Variants in PPARGC1A observed in about 807,000 individuals in gnomAD.
The protein encoded by PPARGC1A is peroxisome proliferator-activated receptor gamma coactivator 1-alpha.
In PPARGC1A, 25 loss-of-function variants were observed where a neutral mutation model predicts 88.7. That is an observed-to-expected ratio of 0.28 (90% CI 0.21 to 0.39). PPARGC1A has a LOEUF of 0.39. Ranked by LOEUF, PPARGC1A falls within the 10% of genes least tolerant of loss-of-function variation. The probability of loss-of-function intolerance (pLI) is 1.00; values close to 1 mark genes in which losing one functional copy is unlikely to be tolerated. For missense variants in PPARGC1A, 880 were observed against 968.7 expected (o/e 0.91, Z 1.22); for synonymous variants, 363 against 355.6 (o/e 1.02, Z -0.24).
At chr4:24,352,114 C>A in the PPARGC1A span, among the ~76,000 whole-genome samples, 3 of 152,032 alleles carry the variant, frequency 2.0e-5, no homozygotes, top group African/African-American at 7.3e-5. Context: ...GGGACTTGAA[C>A]TATACAGAGC....
the PPARGC1A span, among the ~76,000 whole-genome samples, chr4:24,441,175 C>A: frequency 1.3e-5 from 2 of 152,206 alleles, no homozygotes; most frequent in Admixed American, 1.3e-4. Flanking sequence ...GGGACAAATA[C>A]AAGCTCCAGT....
chr4:23,828,452 T>A lies in PPARGC1A; in HGVS notation c.705A>T (p.Lys235Asn). The A allele has an allele frequency of 6.2e-7, 1 of 1,614,086 alleles. No individual in the cohort carries two copies. ...PTENRNSSRD[K>N]CTSKKKSHTQ... ...TGTGGGACTTCTTTTTGGAGGTGCA[T>A]TTGTCTCTGCTGCTGTTTCTGTTCT... Residue 235 changes from lysine (K) to asparagine (N), a missense_variant, in exon 5 of 13, where the codon AAA (lysine) becomes AAT (asparagine). Lys to Asn is a moderately conservative substitution (Grantham distance 94). Transcript: ENST00000264867.
the PPARGC1A span, among the ~76,000 whole-genome samples, chr4:24,101,199 T>G: frequency 6.8e-3 from 1,034 of 152,214 alleles, 12 homozygotes; most frequent in African/African-American, 0.024. Context: ...TGTAATAGAG[T>G]TCTCACGAGA....
chr4:24,147,460 G>A, the PPARGC1A span, among the ~76,000 whole-genome samples: 1 of 152,126 alleles, frequency 6.6e-6, no homozygotes, highest in Non-Finnish European at 1.5e-5. Context: ...CCACTCGGCT[G>A]TACCGGGCAT....
At chr4:24,350,025 T>C in the PPARGC1A span, among the ~76,000 whole-genome samples, 1 of 152,200 alleles carries the variant, frequency 6.6e-6, no homozygotes, top group Non-Finnish European at 1.5e-5. Flanking sequence ...CAAACTTGAC[T>C]CAGCTCCAGG....
At chr4:23,801,954 T>C (rs1297458728) in intron 11 of PPARGC1A, 73 bp from the exon 12 acceptor site, 4 of 1,559,120 alleles carry the variant, frequency 2.6e-6, no homozygotes, top group African/African-American at 1.4e-5. Context: ...CTTTCTACTT[T>C]GTGAGACTTC....
the PPARGC1A span, among the ~76,000 whole-genome samples, chr4:24,280,327 G>A: frequency 1.2e-4 from 19 of 152,288 alleles, no homozygotes; most frequent in African/African-American, 4.1e-4. Context: ...CTAAACAAAT[G>A]CCAAATAAAG....
chr4:24,116,310 C>T, the PPARGC1A span, among the ~76,000 whole-genome samples: 43 of 152,138 alleles, frequency 2.8e-4, no homozygotes, highest in African/African-American at 1.0e-3. Context: ...TAACCCTTTA[C>T]CCTTACACAG....
the PPARGC1A span, among the ~76,000 whole-genome samples, chr4:23,952,502 C>A: frequency 1.3e-5 from 2 of 152,178 alleles, no homozygotes; most frequent in Admixed American, 6.5e-5. Context: ...AACTTTACCC[C>A]CTACTGGACA....
the PPARGC1A span, among the ~76,000 whole-genome samples, chr4:24,281,872 A>C: frequency 1.3e-5 from 2 of 152,148 alleles, no homozygotes; most frequent in African/African-American, 2.4e-5. Flanking sequence ...TTACATAGAG[A>C]AACTTATCAA....
chr4:24,113,597 A>G, the PPARGC1A span, among the ~76,000 whole-genome samples: 4 of 152,258 alleles, frequency 2.6e-5, no homozygotes, highest in African/African-American at 9.6e-5. Context: ...GTGTTTAGGG[A>G]AAGAAGGGTT....
chr4:23,964,924 C>T, the PPARGC1A span, among the ~76,000 whole-genome samples: 2 of 152,124 alleles, frequency 1.3e-5, no homozygotes, highest in Non-Finnish European at 2.9e-5. Context: ...CCTCCACTTG[C>T]CTCTTTAGGA....
chr4:24,260,479 A>G, the PPARGC1A span, among the ~76,000 whole-genome samples: 1 of 152,238 alleles, frequency 6.6e-6, no homozygotes, highest in African/African-American at 2.4e-5. Context: ...GCATCTGAAC[A>G]TCCAAAGAGA....
At chr4:23,994,424 T>C in the PPARGC1A span, among the ~76,000 whole-genome samples, 1 of 152,132 alleles carries the variant, frequency 6.6e-6, no homozygotes, top group East Asian at 1.9e-4. Context: ...AAGTGGTCTG[T>C]GGGGAAGTCA....
the PPARGC1A span, among the ~76,000 whole-genome samples, chr4:24,262,343 G>T: frequency 6.6e-6 from 1 of 152,230 alleles, no homozygotes; most frequent in Admixed American, 6.5e-5. Context: ...TGCCCAAGGA[G>T]TGGACTTCAC....
the PPARGC1A span, among the ~76,000 whole-genome samples, chr4:23,956,273 A>G: frequency 3.3e-5 from 5 of 152,016 alleles, no homozygotes; most frequent in Non-Finnish European, 7.4e-5. Flanking sequence ...TCTTATTAAA[A>G]TGCAGATTTT....
chr4:23,987,952 C>T, the PPARGC1A span, among the ~76,000 whole-genome samples: 64 of 151,990 alleles, frequency 4.2e-4, 2 homozygotes, highest in East Asian at 0.011. Context: ...CCACCCACCC[C>T]CCAACAGGCC....
At chr4:24,328,574 A>C in the PPARGC1A span, among the ~76,000 whole-genome samples, 1 of 152,236 alleles carries the variant, frequency 6.6e-6, no homozygotes, top group Non-Finnish European at 1.5e-5. Flanking sequence ...CCCATCCAGC[A>C]GATAGTTAAA....
At chr4:23,995,271 T>C in the PPARGC1A span, among the ~76,000 whole-genome samples, 1 of 152,146 alleles carries the variant, frequency 6.6e-6, no homozygotes, top group African/African-American at 2.4e-5. Flanking sequence ...GAAACACACA[T>C]GTACATGCAC....
Sources: allele counts gnomAD v4.1 joint callset (sites outside exome capture counted in the v4.1 genomes callset), GRCh38; gene constraint gnomAD v4.1.1; transcripts MANE v1.5; gene names NCBI Gene and HGNC (gene_info 2026-07-23, HGNC 2026-07-21).